Variants in ERO1A observed in about 807,000 individuals in gnomAD.
The protein encoded by ERO1A is endoplasmic reticulum oxidoreductase 1 alpha.
In ERO1A, 49 loss-of-function variants were observed where a neutral mutation model predicts 76.9. The observed-to-expected ratio is 0.64, with a 90% CI of 0.51 to 0.81. The LOEUF (loss-of-function observed/expected upper bound fraction) is 0.81, where lower values mean the gene tolerates loss of function less well. Among genes scored for constraint, ERO1A ranks in the 30% least tolerant of loss-of-function variants. ERO1A has a pLI of 0.00. For missense variants in ERO1A, 448 were observed against 542.1 expected (o/e 0.83, Z 1.72); for synonymous variants, 174 against 181.2 (o/e 0.96, Z 0.32).
At chr14:52,662,945 C>T (rs1477604050) in intron 8 of ERO1A, among the ~76,000 whole-genome samples, 9 of 151,800 alleles carry the variant, frequency 5.9e-5, no homozygotes, top group Non-Finnish European at 8.8e-5. Context: ...TGGGAAAGGC[C>T]GTAAGAGGAA....
At chr14:52,678,500 T>G (rs773987727) in intron 3 of ERO1A, 28 bp from the exon 4 acceptor site, 1 of 1,568,756 alleles carries the variant, frequency 6.4e-7, no homozygotes, top group South Asian at 1.1e-5. Context: ...ATGTTTTTAG[T>G]TGGCATTTAT....
In ERO1A at chr14:52,683,712, GA is replaced by G. The variant is rs1385865397; in HGVS notation, c.234+75del. 11 of 648,842 alleles carry G rather than the reference GA, an allele frequency of 1.7e-5. No homozygotes were observed. In the African/African-American group the frequency reaches 2.1e-4, roughly 12 times the overall value. 40.2% of individuals were successfully genotyped at this position (648,842 alleles called of 1,614,324 possible). On this transcript the variant is annotated intron_variant, in intron 2 of 15. Coordinates refer to ENST00000395686, the MANE Select transcript of ERO1A (RefSeq NM_014584.3). ...AATTTTAAATAACAACTACAATTTTGAAGCTCAGTAATTCTTAAGAAAATCT... is the reference window on the plus strand; with the variant it reads ...AATTTTAAATAACAACTACAATTTTGAGCTCAGTAATTCTTAAGAAAATCT...
intron 13 of ERO1A, among the ~76,000 whole-genome samples, chr14:52,648,104 CA>C (rs2039732597): frequency 6.6e-6 from 1 of 152,084 alleles, no homozygotes; most frequent in South Asian, 2.1e-4. Context: ...TTAATTAAGA[CA>C]AAGCCCAAAT....
intron 6 of ERO1A, among the ~76,000 whole-genome samples, chr14:52,670,468 C>T (rs949484931): frequency 1.3e-5 from 2 of 152,188 alleles, no homozygotes; most frequent in African/African-American, 4.8e-5. Flanking sequence ...CAACCTCTGC[C>T]TCCTGGGTTC....
At chr14:52,678,942 T>C (rs1411380118) in intron 3 of ERO1A, among the ~76,000 whole-genome samples, 1 of 152,202 alleles carries the variant, frequency 6.6e-6, no homozygotes, top group East Asian at 1.9e-4. Context: ...ATCTCTGAGG[T>C]AATGAATTAA....
At chr14:52,691,058 C>T (rs1235413496) in intron 1 of ERO1A, among the ~76,000 whole-genome samples, 1 of 152,218 alleles carries the variant, frequency 6.6e-6, no homozygotes, top group Non-Finnish European at 1.5e-5. Context: ...TAAGCCACCA[C>T]ACCCAGCCAA....
chr14:52,675,136 C>T (rs1442425650), intron 4 of ERO1A, among the ~76,000 whole-genome samples: 1 of 152,170 alleles, frequency 6.6e-6, no homozygotes, highest in African/African-American at 2.4e-5. Flanking sequence ...GTAATCCCAG[C>T]ATTCTGGGAG....
At chr14:52,672,763 C>A (rs1442025689) in intron 4 of ERO1A, among the ~76,000 whole-genome samples, 6 of 146,846 alleles carry the variant, frequency 4.1e-5, no homozygotes, top group Admixed American at 2.0e-4. Flanking sequence ...CAGAGACAGA[C>A]CCTGTCTCTG....
At chr14:52,660,657 A>T (rs1022906123) in intron 9 of ERO1A, among the ~76,000 whole-genome samples, 18 of 152,242 alleles carry the variant, frequency 1.2e-4, no homozygotes, top group African/African-American at 4.3e-4. Flanking sequence ...ATGTTCAGAA[A>T]ATAGAGGATT....
chr14:52,688,900 C>T (rs1458901388), intron 1 of ERO1A, among the ~76,000 whole-genome samples: 1 of 152,184 alleles, frequency 6.6e-6, no homozygotes, highest in African/African-American at 2.4e-5. Context: ...ATATTCTAGT[C>T]TTATTATACA....
chr14:52,680,852 T>C (rs1044676481), intron 3 of ERO1A, among the ~76,000 whole-genome samples: 1 of 152,192 alleles, frequency 6.6e-6, no homozygotes, highest in African/African-American at 2.4e-5. Context: ...CCATAAATAG[T>C]ATATGACATT....
rs1303224262 is a variant in ERO1A at position 52,695,452 on chromosome 14, G to A, written c.30C>T (p.Gly10=). 2.6e-6 allele frequency: 4 copies of A among 1,545,834 alleles called. No individual in the cohort carries two copies. The highest frequency in any genetic ancestry group is 3.5e-6 in the Non-Finnish European group (4 of 1,145,934). Residue 10 remains glycine (G), a synonymous_variant, in exon 1 of 16, where the codon GGC becomes GGT. Coordinates refer to ENST00000395686, the MANE Select transcript of ERO1A (RefSeq NM_014584.3). MGRGWGFLF[G]LLGAVWLLSS... The stretch of plus-strand genomic sequence containing the variant: ...TGAGCAGCCACACGGCGCCCAGGAG[G>A]CCAAACAAGAATCCCCAGCCGCGGC...
intron 4 of ERO1A, among the ~76,000 whole-genome samples, chr14:52,676,451 G>C (rs148953211): frequency 8.5e-5 from 13 of 152,288 alleles, no homozygotes; most frequent in African/African-American, 3.1e-4. Flanking sequence ...ACAGGCCACA[G>C]CACAAATGGC....
chr14:52,656,776 T>C (rs1179740043), intron 11 of ERO1A, among the ~76,000 whole-genome samples: 1 of 151,716 alleles, frequency 6.6e-6, no homozygotes, highest in African/African-American at 2.4e-5. Context: ...AAATCAAAGT[T>C]ACGGCTAGGC....
At chr14:52,683,962 C>A (rs1336825893) in intron 1 of ERO1A, 55 bp from the exon 2 acceptor site, 3 of 1,420,400 alleles carry the variant, frequency 2.1e-6, no homozygotes, top group Admixed American at 2.2e-5. Context: ...CAACAGGGTT[C>A]TTTTTCCTCA....
intron 3 of ERO1A, among the ~76,000 whole-genome samples, chr14:52,679,773 A>T (rs2040925622): frequency 6.6e-6 from 1 of 152,148 alleles, no homozygotes; most frequent in Non-Finnish European, 1.5e-5. Flanking sequence ...TATTGCTGCC[A>T]GGTACAGCGG....
intron 4 of ERO1A, 135 bp from the exon 5 acceptor site, chr14:52,672,006 A>G (rs987717227): frequency 1.4e-5 from 10 of 697,350 alleles, no homozygotes; most frequent in Non-Finnish European, 2.3e-5. Flanking sequence ...AATTTTTCAT[A>G]AAATTGCCCA....
At chr14:52,646,491 G>A (rs1240871536) in intron 13 of ERO1A, 30 bp from the exon 14 acceptor site, 5 of 1,520,506 alleles carry the variant, frequency 3.3e-6, no homozygotes, top group Admixed American at 3.5e-5. Flanking sequence ...ATTTTATTAA[G>A]ATGTAATATA....
At chr14:52,672,947 C>CCAAA (rs1331989792) in intron 4 of ERO1A, among the ~76,000 whole-genome samples, 1 of 151,910 alleles carries the variant, frequency 6.6e-6, no homozygotes, top group Non-Finnish European at 1.5e-5. Context: ...GGAGATACTC[C>CCAAA]CAAACACATT....
Sources: allele counts gnomAD v4.1 joint callset (sites outside exome capture counted in the v4.1 genomes callset), GRCh38; gene constraint gnomAD v4.1.1; transcripts MANE v1.5; gene names NCBI Gene and HGNC (gene_info 2026-07-23, HGNC 2026-07-21).